The following EIF4G3 variants were observed in gnomAD, a reference collection of about 807,000 sequenced individuals.
EIF4G3 encodes eukaryotic translation initiation factor 4 gamma 3.
EIF4G3 carries 34 observed loss-of-function variants against 186.4 expected under a neutral mutation model. The observed-to-expected ratio is 0.18, with a 90% CI of 0.14 to 0.24. The LOEUF (loss-of-function observed/expected upper bound fraction) is 0.24, where lower values mean the gene tolerates loss of function less well. EIF4G3 is among the 10% of genes least tolerant of loss of function. EIF4G3 has a pLI of 1.00. For synonymous variants in EIF4G3, 673 were observed against 679.5 expected (o/e 0.99, Z 0.15); for missense variants, 1,536 against 1,948.5 (o/e 0.79, Z 3.99).
intron 14 of EIF4G3, among the ~76,000 whole-genome samples, chr1:20,916,909 C>T (rs2093941307): frequency 1.3e-5 from 2 of 152,270 alleles, no homozygotes; most frequent in South Asian, 2.1e-4. Flanking sequence ...TATAAAATGG[C>T]AAATGTACTT....
chr1:21,020,606 A>T (rs2090452325), intron 4 of EIF4G3, among the ~76,000 whole-genome samples: 1 of 152,224 alleles, frequency 6.6e-6, no homozygotes, highest in South Asian at 2.1e-4. Context: ...ATTTCAAACG[A>T]TGTCCAAGTC....
intron 3 of EIF4G3, among the ~76,000 whole-genome samples, chr1:21,052,922 G>T (rs1351892996): frequency 6.6e-6 from 1 of 152,168 alleles, no homozygotes; most frequent in African/African-American, 2.4e-5. Flanking sequence ...GCGTGATCTC[G>T]GCTCGCTACA....
chr1:21,129,719 A>AC (rs1057307538), intron 2 of EIF4G3, among the ~76,000 whole-genome samples: 1 of 151,756 alleles, frequency 6.6e-6, no homozygotes, highest in Admixed American at 6.6e-5. Context: ...AGAAGTAACA[A>AC]CCCCCCACCC....
At chr1:21,032,439 C>T (rs1412682512) in intron 4 of EIF4G3, among the ~76,000 whole-genome samples, 1 of 152,042 alleles carries the variant, frequency 6.6e-6, no homozygotes, top group Non-Finnish European at 1.5e-5. Context: ...TAAACAAATA[C>T]AATTAATCTA....
intron 29 of EIF4G3, 38 bp from the exon 30 acceptor site, chr1:20,841,066 G>C: frequency 6.2e-7 from 1 of 1,604,222 alleles, no homozygotes; most frequent in South Asian, 1.1e-5. Context: ...TCCAAAATCT[G>C]AATAGTGTTA....
intron 14 of EIF4G3, among the ~76,000 whole-genome samples, chr1:20,926,660 C>T (rs1268766564): frequency 1.4e-5 from 2 of 144,804 alleles, no homozygotes; most frequent in African/African-American, 2.5e-5. Flanking sequence ...GAGCAAGACC[C>T]TGTCTCAGAA....
chr1:21,029,465 C>T (rs963962060), intron 4 of EIF4G3, among the ~76,000 whole-genome samples: 3 of 143,172 alleles, frequency 2.1e-5, no homozygotes, highest in Non-Finnish European at 4.6e-5. Context: ...GAAATTGAGT[C>T]GGGGGGGGGA....
chr1:21,004,817 A>G (rs917091366), intron 4 of EIF4G3, among the ~76,000 whole-genome samples: 3 of 152,298 alleles, frequency 2.0e-5, no homozygotes, highest in Non-Finnish European at 2.9e-5. Context: ...GAGTTATAAA[A>G]AACAAAATTA....
In EIF4G3 at chr1:21,036,733, T is replaced by C. The variant is rs900688979; in HGVS notation, c.-67+14133A>G. ...CGTCTCTACAAAAAAATACAAAAAT[T>C]AGCCAGGTGTGGTGGCATGCACCTA... On this transcript the variant is annotated intron_variant, in intron 4 of 36. Coordinates refer to ENST00000602326, the MANE Select transcript of EIF4G3 (RefSeq NM_001391906.1). 4.1e-4 allele frequency among the ~76,000 whole-genome samples: 63 copies of C among 152,022 alleles called. 1 individual carries two copies. The highest frequency in any genetic ancestry group is 1.3e-3 in the African/African-American group (55 of 41,462).
At chr1:20,836,135 C>G (rs943631451) in intron 30 of EIF4G3, among the ~76,000 whole-genome samples, 2 of 152,336 alleles carry the variant, frequency 1.3e-5, no homozygotes, top group Non-Finnish European at 2.9e-5. Flanking sequence ...GCACCCACCA[C>G]CATGCCCAGA....
intron 15 of EIF4G3, among the ~76,000 whole-genome samples, chr1:20,901,946 C>T (rs2090440400): frequency 6.6e-6 from 1 of 152,124 alleles, no homozygotes; most frequent in African/African-American, 2.4e-5. Flanking sequence ...GAAAATCAGA[C>T]TGGCAACTAT....
At chr1:20,981,924 CATTAAAA>C (rs1287695545) in intron 8 of EIF4G3, among the ~76,000 whole-genome samples, 1 of 152,062 alleles carries the variant, frequency 6.6e-6, no homozygotes, top group Admixed American at 6.6e-5. Context: ...ATTATCAAAT[CATTAAAA>C]ATTAAAAGTA....
chr1:20,963,915 G>A (rs1465751130), intron 12 of EIF4G3, among the ~76,000 whole-genome samples: 1 of 141,106 alleles, frequency 7.1e-6, no homozygotes, highest in Non-Finnish European at 1.5e-5. Context: ...GTGACAGAGT[G>A]AGTGAGACTC....
At chr1:20,957,595 C>G (rs1020661056) in intron 12 of EIF4G3, among the ~76,000 whole-genome samples, 5 of 147,996 alleles carry the variant, frequency 3.4e-5, no homozygotes, top group African/African-American at 1.2e-4. Context: ...ACAAAAAAAG[C>G]ATTACAAAAG....
Position 20,941,950 on chromosome 1 carries a change from C to G in EIF4G3, c.1204G>C (p.Asp402His), listed in dbSNP as rs777422635. The change falls in exon 14 of 37, where the codon GAT becomes CAT. Residue 402 changes from aspartate to histidine, a missense_variant. By Grantham distance (81) the Asp-to-His change is moderately conservative. Coordinates refer to ENST00000602326, the MANE Select transcript of EIF4G3 (RefSeq NM_001391906.1). ...CKKPCSVAPN[D>H]IPLVSSTNLI... ...TTAGTACTAGAAACCAGTGGAATAT[C>G]ATTAGGTGCTACACTACAGGGTTTC... The G allele has an allele frequency of 1.2e-6, 2 of 1,614,062 alleles. No individual in the cohort carries two copies. The highest frequency in any genetic ancestry group is 2.2e-5 in the South Asian group (2 of 91,042).
At chr1:21,022,017 T>C (rs2090840256) in intron 4 of EIF4G3, among the ~76,000 whole-genome samples, 1 of 152,212 alleles carries the variant, frequency 6.6e-6, no homozygotes, top group Non-Finnish European at 1.5e-5. Flanking sequence ...ACATTTGCTA[T>C]AGCCTCACAA....
intron 29 of EIF4G3, among the ~76,000 whole-genome samples, chr1:20,846,877 A>AT (rs2154549895): frequency 6.6e-6 from 1 of 152,370 alleles, no homozygotes; most frequent in East Asian, 1.9e-4. Flanking sequence ...TATATAAAAT[A>AT]TAGGTATAAG....
chr1:21,024,152 G>T (rs1200180438), intron 4 of EIF4G3, among the ~76,000 whole-genome samples: 1 of 140,176 alleles, frequency 7.1e-6, no homozygotes, highest in Admixed American at 7.0e-5. Context: ...CAGTCACCCC[G>T]TCCGGGAGGG....
At chr1:20,917,201 A>G (rs1053014541) in intron 14 of EIF4G3, among the ~76,000 whole-genome samples, 16 of 152,220 alleles carry the variant, frequency 1.1e-4, no homozygotes, top group Non-Finnish European at 2.4e-4. Flanking sequence ...ATGCTGAATG[A>G]AAGAAGCCAG....
Sources: gnomAD v4.1 joint callset for allele counts (sites outside exome capture counted in the v4.1 genomes callset) on GRCh38, gnomAD v4.1.1 for gene constraint, MANE v1.5 for transcripts, NCBI Gene and HGNC (gene_info 2026-07-23, HGNC 2026-07-21) for gene names.